Variants in ROR1 observed in about 807,000 individuals in gnomAD.
The protein encoded by ROR1 is ROR family WNT receptor 1.
A neutral mutation model predicts 78.8 loss-of-function variants in ROR1; 19 were observed. The ratio of observed to expected loss-of-function variants is 0.24; its 90% CI spans 0.17 to 0.35. ROR1 has a LOEUF of 0.35. Ranked by LOEUF, ROR1 falls within the 10% of genes least tolerant of loss-of-function variation. The probability of loss-of-function intolerance (pLI) is 1.00; values close to 1 mark genes in which losing one functional copy is unlikely to be tolerated. For missense variants in ROR1, 917 were observed against 1,177.8 expected, an observed-to-expected ratio of 0.78 and a Z score of 3.24; for synonymous variants, 386 against 433.6, an observed-to-expected ratio of 0.89 and a Z score of 1.36.
chr1:63,958,759 T>C (rs1646004007), intron 1 of ROR1, among the ~76,000 whole-genome samples: 1 of 152,188 alleles, frequency 6.6e-6, no homozygotes, highest in African/African-American at 2.4e-5. Flanking sequence ...TGGCACTCCA[T>C]CCATCACATC....
chr1:64,101,475 TA>T (rs1647539917), intron 4 of ROR1, among the ~76,000 whole-genome samples: 1 of 152,144 alleles, frequency 6.6e-6, no homozygotes, highest in African/African-American at 2.4e-5. Flanking sequence ...GGTAGAGACA[TA>T]ATGGTACAAG....
chr1:64,008,816 G>A (rs933635936), intron 1 of ROR1, among the ~76,000 whole-genome samples: 3 of 151,976 alleles, frequency 2.0e-5, no homozygotes, highest in Admixed American at 2.0e-4. Context: ...TGTATTTTTA[G>A]TAGAGACGGG....
At position 64,142,354 on chromosome 1, in the gene ROR1, A is replaced by G. The variant is rs543164177; in HGVS notation, c.929-51A>G. Reference sequence around the variant, plus strand: ...AAACTGCTGGCTAGAGGAGAGCTCCAGCATCTCCTATGTTTCTTTCTAATT... The same window carrying G: ...AAACTGCTGGCTAGAGGAGAGCTCCGGCATCTCCTATGTTTCTTTCTAATT... On this transcript the variant is annotated intron_variant, in intron 6 of 8. Coordinates refer to ENST00000371079, the MANE Select transcript of ROR1 (RefSeq NM_005012.4). 52 of 1,604,450 alleles carry G rather than the reference A, an allele frequency of 3.2e-5. No homozygotes were observed. In the Middle Eastern group the frequency reaches 2.3e-3, roughly 70 times the overall value.
intron 4 of ROR1, among the ~76,000 whole-genome samples, chr1:64,100,958 A>G (rs1029704242): frequency 3.9e-5 from 6 of 152,326 alleles, no homozygotes; most frequent in Non-Finnish European, 7.4e-5. Context: ...AGGCCAAGTT[A>G]CTTGGGAAAG....
rs1650428577 is a variant in ROR1, at chr1:64,177,823, C to T, written c.1782C>T (p.His594=). ...KSSLDHGDFL[H]IAIQIAAGME... is the part of the protein sequence containing the mutation. ...GCCTGGACCACGGAGATTTTCTGCA[C>T]ATTGCAATTCAGATTGCAGCTGGCA... The change falls in exon 9 of 9, where the codon CAC becomes CAT. Residue 594 remains histidine (H), a synonymous_variant. Coordinates refer to ENST00000371079, the MANE Select transcript of ROR1 (RefSeq NM_005012.4). The T allele has an allele frequency of 6.2e-7, 1 of 1,614,172 alleles. No individual in the cohort carries two copies. Among genetic ancestry groups the T allele is most frequent in the South Asian group, 1.1e-5 (1 of 91,072 alleles).
At chr1:63,808,639 C>T (rs1316622320) in intron 1 of ROR1, among the ~76,000 whole-genome samples, 1 of 152,044 alleles carries the variant, frequency 6.6e-6, no homozygotes, top group Non-Finnish European at 1.5e-5. Context: ...AGGAGGTTTC[C>T]CAGGTGACTT....
At chr1:63,860,772 G>GA (rs1319567628) in intron 1 of ROR1, among the ~76,000 whole-genome samples, 20,522 of 116,634 alleles carry the variant, frequency 0.18, 3,479 homozygotes, top group African/African-American at 0.45. Flanking sequence ...CTGTCTCGGG[G>GA]AAAAAAAAAA....
intron 1 of ROR1, among the ~76,000 whole-genome samples, chr1:63,970,132 A>T (rs1646107618): frequency 6.6e-6 from 1 of 151,970 alleles, no homozygotes; most frequent in African/African-American, 2.4e-5. Flanking sequence ...CATTCTTTAG[A>T]TATTGAATCA....
chr1:63,793,102 A>G (rs1401982320), intron 1 of ROR1, among the ~76,000 whole-genome samples: 3 of 152,222 alleles, frequency 2.0e-5, no homozygotes, highest in African/African-American at 4.8e-5. Context: ...AAATTATTCT[A>G]TGCATTTGTC....
chr1:63,828,945 A>G (rs887685320), intron 1 of ROR1, among the ~76,000 whole-genome samples: 3 of 152,026 alleles, frequency 2.0e-5, no homozygotes, highest in Non-Finnish European at 4.4e-5. Flanking sequence ...GGCCCTAACT[A>G]TCTCCTTCCT....
chr1:63,847,071 G>A (rs1352640857), intron 1 of ROR1, among the ~76,000 whole-genome samples: 1 of 152,188 alleles, frequency 6.6e-6, no homozygotes, highest in Admixed American at 6.5e-5. Context: ...TCTTCCACCT[G>A]ACAGATGGTG....
At chr1:64,136,696 G>C (rs968938093) in intron 4 of ROR1, among the ~76,000 whole-genome samples, 1 of 151,996 alleles carries the variant, frequency 6.6e-6, no homozygotes, top group East Asian at 1.9e-4. Flanking sequence ...TTTTGAGGCC[G>C]CAAAATTTTA....
chr1:63,833,219 G>T (rs936021392), intron 1 of ROR1, among the ~76,000 whole-genome samples: 1 of 152,204 alleles, frequency 6.6e-6, no homozygotes, highest in African/African-American at 2.4e-5. Context: ...ATCCACTTAA[G>T]TACAATTGTG....
At chr1:63,985,038 T>C (rs1160202245) in intron 1 of ROR1, among the ~76,000 whole-genome samples, 2 of 152,168 alleles carry the variant, frequency 1.3e-5, no homozygotes, top group African/African-American at 4.8e-5. Context: ...GGTGCTGTCA[T>C]ATATATTACT....
At chr1:64,173,370 C>T (rs1228415449) in intron 8 of ROR1, among the ~76,000 whole-genome samples, 1 of 152,188 alleles carries the variant, frequency 6.6e-6, no homozygotes, top group African/African-American at 2.4e-5. Context: ...GTAAAATCTA[C>T]TTTCTTTCAT....
At chr1:63,855,812 C>G (rs2100337274) in intron 1 of ROR1, among the ~76,000 whole-genome samples, 1 of 107,382 alleles carries the variant, frequency 9.3e-6, no homozygotes, top group South Asian at 3.0e-4. Flanking sequence ...CCACGCCCCA[C>G]TAATTTTTTT....
At chr1:63,934,215 G>A (rs6689109) in intron 1 of ROR1, among the ~76,000 whole-genome samples, 2,464 of 152,256 alleles carry the variant, frequency 0.016, 39 homozygotes, top group Non-Finnish European at 0.026. Flanking sequence ...CTGGGTGGCC[G>A]GTATGGAGCA....
intron 7 of ROR1, among the ~76,000 whole-genome samples, chr1:64,148,309 G>A (rs1569854524): frequency 2.0e-5 from 3 of 152,090 alleles, no homozygotes; most frequent in Non-Finnish European, 4.4e-5. Flanking sequence ...TTTAAACTGT[G>A]GTTTATGCAT....
At position 63,833,556 on chromosome 1, in the gene ROR1, G is replaced by T. The variant is rs111991179; in HGVS notation, c.91+59048G>T. On this transcript the variant is annotated intron_variant, in intron 1 of 8. Coordinates refer to ENST00000371079, the MANE Select transcript of ROR1 (RefSeq NM_005012.4). ...TAGCTCGGGGACGAGCCTCAGAATAGTCCCTGGGGGTGATGTGTTCTCCAA... is the reference window on the plus strand; with the variant it reads ...TAGCTCGGGGACGAGCCTCAGAATATTCCCTGGGGGTGATGTGTTCTCCAA... Among the ~76,000 whole-genome samples the T allele has an allele frequency of 3.8e-3, 586 of 152,326 alleles. 5 individuals are homozygous for T. The highest frequency in any genetic ancestry group is 0.013 in the African/African-American group (561 of 41,574).
Sources: gnomAD v4.1 joint callset for allele counts (sites outside exome capture counted in the v4.1 genomes callset) on GRCh38, gnomAD v4.1.1 for gene constraint, MANE v1.5 for transcripts, NCBI Gene and HGNC (gene_info 2026-07-23, HGNC 2026-07-21) for gene names.